Variants in ALDH1A2 observed in about 807,000 individuals in gnomAD.
The protein encoded by ALDH1A2 is retinal dehydrogenase 2.
A neutral mutation model predicts 60.3 loss-of-function variants in ALDH1A2; 27 were observed. The ratio of observed to expected loss-of-function variants is 0.45; its 90% CI spans 0.33 to 0.62. ALDH1A2 has a LOEUF of 0.62. ALDH1A2 is among the 20% of genes least tolerant of loss of function. The pLI, the probability that ALDH1A2 is intolerant of heterozygous loss-of-function variation, is 0.02. For missense variants in ALDH1A2, 581 were observed against 643.8 expected (o/e 0.90, Z 1.06); for synonymous variants, 289 against 232.4 (o/e 1.24, Z -2.21).
At chr15:58,039,960 C>T (rs1444956396) in intron 1 of ALDH1A2, among the ~76,000 whole-genome samples, 1 of 151,850 alleles carries the variant, frequency 6.6e-6, no homozygotes, top group African/African-American at 2.4e-5. Context: ...GATAATCAGC[C>T]CCCTGCCCTT....
chr15:57,963,594 C>T (rs764418931), intron 9 of ALDH1A2, among the ~76,000 whole-genome samples: 2 of 152,092 alleles, frequency 1.3e-5, no homozygotes, highest in South Asian at 2.1e-4. Context: ...CCGCCCGCCT[C>T]GGCCTCCCTA....
chr15:57,996,441 T>G (rs1489353965), intron 4 of ALDH1A2, among the ~76,000 whole-genome samples: 2 of 151,738 alleles, frequency 1.3e-5, no homozygotes, highest in Non-Finnish European at 2.9e-5. Context: ...TAGGATCCTT[T>G]TATCCTCTTT....
Position 57,964,014 on chromosome 15 carries a change from G to A in ALDH1A2, c.957C>T (p.Cys319=), listed in dbSNP as rs1323724555. Residue 319 remains cysteine (C), a synonymous_variant, in exon 9 of 13, where the codon TGC becomes TGT. Transcript: ENST00000249750. The stretch of plus-strand genomic sequence containing the variant: ...CGAAGATGCGAGAGCCTGCAGTGCA[G>A]CACTGACCTTGATTGAAGAACACAC... ...HQGVFFNQGQ[C]CTAGSRIFVE... 6 of 1,614,034 alleles carry A rather than the reference G, an allele frequency of 3.7e-6. No homozygotes were observed. The highest frequency in any genetic ancestry group is 2.7e-5 in the African/African-American group (2 of 74,940).
At chr15:58,045,585 T>G (rs562544794) in intron 1 of ALDH1A2, among the ~76,000 whole-genome samples, 1 of 152,206 alleles carries the variant, frequency 6.6e-6, no homozygotes, top group Admixed American at 6.5e-5. Context: ...TGAGTTCATG[T>G]CCTTTGCAGG....
At chr15:57,958,535 G>C (rs1262807646) in intron 12 of ALDH1A2, among the ~76,000 whole-genome samples, 4 of 152,180 alleles carry the variant, frequency 2.6e-5, no homozygotes, top group African/African-American at 9.7e-5. Context: ...CGTGGGCTAG[G>C]TCAGCCCTCC....
At chr15:58,031,276 A>G (rs1378278401) in intron 1 of ALDH1A2, among the ~76,000 whole-genome samples, 1 of 152,178 alleles carries the variant, frequency 6.6e-6, no homozygotes. Flanking sequence ...AGGATTCCCT[A>G]TTTAATAAAC....
At chr15:57,966,492 A>T (rs1387635230) in intron 7 of ALDH1A2, among the ~76,000 whole-genome samples, 1 of 152,224 alleles carries the variant, frequency 6.6e-6, no homozygotes, top group African/African-American at 2.4e-5. Context: ...GGAAGCAAAG[A>T]TCCACCACTT....
intron 10 of ALDH1A2, 152 bp from the exon 11 acceptor site, chr15:57,961,446 TAAG>T (rs1893717285): frequency 1.0e-6 from 1 of 999,784 alleles, no homozygotes; most frequent in Admixed American, 2.0e-5. Flanking sequence ...TTTCCTAGGA[TAAG>T]ATTATGCAAG....
intron 4 of ALDH1A2, among the ~76,000 whole-genome samples, chr15:57,997,437 A>G (rs1895101044): frequency 1.3e-5 from 2 of 152,028 alleles, no homozygotes; most frequent in South Asian, 4.1e-4. Context: ...AGACCACAGA[A>G]TCAGAGAGTA....
chr15:58,003,930 C>T (rs1365063485), intron 4 of ALDH1A2, among the ~76,000 whole-genome samples: 1 of 151,730 alleles, frequency 6.6e-6, no homozygotes, highest in Admixed American at 6.6e-5. Flanking sequence ...CATTGGGTAC[C>T]ATGGCAGGAA....
At chr15:58,048,569 T>A (rs536475581) in intron 1 of ALDH1A2, among the ~76,000 whole-genome samples, 1 of 152,130 alleles carries the variant, frequency 6.6e-6, no homozygotes, top group African/African-American at 2.4e-5. Context: ...TTTCCCAGAA[T>A]GATGCTGCTT....
intron 10 of ALDH1A2, among the ~76,000 whole-genome samples, chr15:57,961,596 G>A (rs1254784238): frequency 6.6e-6 from 1 of 152,138 alleles, no homozygotes; most frequent in African/African-American, 2.4e-5. Flanking sequence ...TGCAAACACT[G>A]CTCCAGAACG....
intron 1 of ALDH1A2, among the ~76,000 whole-genome samples, chr15:58,050,818 T>C (rs1025688621): frequency 8.5e-5 from 13 of 152,306 alleles, no homozygotes; most frequent in Admixed American, 7.8e-4. Context: ...GCATCTTCAG[T>C]TGAATTAGAA....
chr15:57,959,205 T>C (rs1305563781), intron 12 of ALDH1A2, among the ~76,000 whole-genome samples: 2 of 152,140 alleles, frequency 1.3e-5, no homozygotes, highest in Non-Finnish European at 2.9e-5. Context: ...AAACAATCAA[T>C]GCAAGCAGCA....
At chr15:57,959,191 A>G (rs1490070024) in intron 12 of ALDH1A2, among the ~76,000 whole-genome samples, 1 of 152,216 alleles carries the variant, frequency 6.6e-6, no homozygotes, top group African/African-American at 2.4e-5. Flanking sequence ...AATGATCTGT[A>G]ACAAAACAAT....
chr15:58,062,602 T>C (rs1481388979), intron 1 of ALDH1A2, among the ~76,000 whole-genome samples: 2 of 152,204 alleles, frequency 1.3e-5, no homozygotes, highest in African/African-American at 2.4e-5. Flanking sequence ...CTTCTTAGGA[T>C]ACAAGCAAAG....
intron 7 of ALDH1A2, among the ~76,000 whole-genome samples, chr15:57,969,323 AAAAAT>A (rs1417072184): frequency 1.3e-5 from 2 of 152,242 alleles, no homozygotes; most frequent in Non-Finnish European, 2.9e-5. Flanking sequence ...CACTAGAAAA[AAAAAT>A]CTGGGTCTCA....
intron 7 of ALDH1A2, among the ~76,000 whole-genome samples, chr15:57,987,028 A>G (rs1226309154): frequency 2.0e-5 from 3 of 152,178 alleles, no homozygotes; most frequent in Admixed American, 2.0e-4. Flanking sequence ...AAGAAAATAT[A>G]AGATATTTAA....
intron 3 of ALDH1A2, chr15:58,012,288 A>G (rs984670467): frequency 1.3e-5 from 2 of 152,210 alleles, no homozygotes; most frequent in Non-Finnish European, 2.9e-5. Context: ...TAGCTCAATT[A>G]AACAGTCATT....
Sources: allele counts gnomAD v4.1 joint callset (sites outside exome capture counted in the v4.1 genomes callset), GRCh38; gene constraint gnomAD v4.1.1; transcripts MANE v1.5; gene names NCBI Gene and HGNC (gene_info 2026-07-23, HGNC 2026-07-21).